Variants in EIF3CL observed in about 807,000 individuals in gnomAD.
EIF3CL encodes eukaryotic translation initiation factor 3 subunit C like, also known as eukaryotic translation initiation factor 3 subunit C-like protein.
For synonymous variants in EIF3CL, 2 were observed against 19.6 expected, an observed-to-expected ratio of 0.10 and a Z score of 2.37; for missense variants, 5 against 56.1, an observed-to-expected ratio of 0.09 and a Z score of 2.91.
the EIF3CL span, chr16:28,413,595 T>C: frequency 1.3e-5 from 1 of 74,560 alleles, no homozygotes; most frequent in Non-Finnish European, 2.4e-5. Flanking sequence ...GAAGAATCTC[T>C]CTTCATCCAG....
chr16:28,426,102 T>TACAC, the EIF3CL span, among the ~76,000 whole-genome samples: 2 of 96,496 alleles, frequency 2.1e-5, no homozygotes, highest in African/African-American at 4.4e-5. Context: ...CACACACACA[T>TACAC]ACACACACAC....
intron 15 of EIF3CL, among the ~76,000 whole-genome samples, chr16:28,386,295 C>A (rs1596595207): frequency 4.5e-5 from 2 of 44,894 alleles, no homozygotes; most frequent in African/African-American, 8.7e-5. Flanking sequence ...ATAAAGTGAA[C>A]AATCCAATTG....
the EIF3CL span, among the ~76,000 whole-genome samples, chr16:28,419,114 C>A: frequency 6.8e-6 from 1 of 146,158 alleles, no homozygotes; most frequent in Non-Finnish European, 1.5e-5. Context: ...TCACGCCATT[C>A]TCCTGCCTCA....
At chr16:28,381,404 AAAAAC>A (rs1427548905) in intron 16 of EIF3CL, among the ~76,000 whole-genome samples, 1 of 145,408 alleles carries the variant, frequency 6.9e-6, no homozygotes, top group East Asian at 2.2e-4. Flanking sequence ...CTCTGTCTCA[AAAAAC>A]AAAACAAAAC....
the EIF3CL span, among the ~76,000 whole-genome samples, chr16:28,418,984 A>G: frequency 6.8e-6 from 1 of 147,454 alleles, no homozygotes; most frequent in Non-Finnish European, 1.5e-5. Flanking sequence ...GGGATGTGAT[A>G]ATGCTTCTGG....
chr16:28,416,878 G>T, the EIF3CL span, among the ~76,000 whole-genome samples: 8 of 93,686 alleles, frequency 8.5e-5, no homozygotes, highest in African/African-American at 3.1e-4. Context: ...CGTCCGGGAG[G>T]GAGGTGGGGG....
At chr16:28,419,025 G>C in the EIF3CL span, among the ~76,000 whole-genome samples, 1 of 144,300 alleles carries the variant, frequency 6.9e-6, no homozygotes, top group African/African-American at 2.5e-5. Flanking sequence ...TTTTTTCTTT[G>C]AGACAGAGTC....
At chr16:28,426,088 C>G in the EIF3CL span, among the ~76,000 whole-genome samples, 1 of 112,922 alleles carries the variant, frequency 8.9e-6, no homozygotes, top group Non-Finnish European at 1.9e-5. Context: ...TCTCAACACA[C>G]ACACACACAC....
At chr16:28,418,638 C>CTT in the EIF3CL span, among the ~76,000 whole-genome samples, 3 of 137,514 alleles carry the variant, frequency 2.2e-5, no homozygotes, top group East Asian at 4.4e-4. Context: ...CCATTCAAGT[C>CTT]TTTTTTTTTT....
At chr16:28,417,827 T>A in the EIF3CL span, among the ~76,000 whole-genome samples, 23,627 of 101,458 alleles carry the variant, frequency 0.23, 67 homozygotes, top group Non-Finnish European at 0.28. Context: ...AAAATAAATT[T>A]AAAAAAAAAA....
the EIF3CL span, among the ~76,000 whole-genome samples, chr16:28,422,662 G>T: frequency 1.4e-3 from 199 of 146,368 alleles, no homozygotes; most frequent in African/African-American, 4.5e-3. Flanking sequence ...GTGAAACCCC[G>T]TCTTTACTAA....
the EIF3CL span, among the ~76,000 whole-genome samples, chr16:28,417,487 C>T: frequency 8.2e-6 from 1 of 122,072 alleles, no homozygotes; most frequent in Non-Finnish European, 1.8e-5. Flanking sequence ...AATTCCTCTG[C>T]CTTGGGATCC....
the EIF3CL span, chr16:28,414,679 C>T: frequency 1.2e-5 from 4 of 342,522 alleles, no homozygotes; most frequent in East Asian, 8.9e-5. Flanking sequence ...GAAGCCTCCA[C>T]GGAGCCTGTG....
At chr16:28,417,226 C>T in the EIF3CL span, among the ~76,000 whole-genome samples, 1 of 149,288 alleles carries the variant, frequency 6.7e-6, no homozygotes, top group Non-Finnish European at 1.5e-5. Context: ...CGAGCCGCCC[C>T]ATCCGGGAAG....
chr16:28,417,705 G>A, the EIF3CL span, among the ~76,000 whole-genome samples: 1 of 111,698 alleles, frequency 9.0e-6, no homozygotes, highest in African/African-American at 3.1e-5. Context: ...CCTCTGCCTA[G>A]GAAAACCAGA....
intron 15 of EIF3CL, among the ~76,000 whole-genome samples, chr16:28,387,580 G>C (rs1409110365): frequency 1.3e-5 from 2 of 150,230 alleles, no homozygotes; most frequent in African/African-American, 4.9e-5. Context: ...AATAAACTGG[G>C]TGTCCGCCAA....
the EIF3CL span, among the ~76,000 whole-genome samples, chr16:28,417,851 A>G: frequency 1.3e-5 from 1 of 79,582 alleles, no homozygotes; most frequent in Admixed American, 1.4e-4. Flanking sequence ...AAACTCAAAT[A>G]AAGTTTGCAC....
chr16:28,403,355 A>G (rs1187706186), intron 2 of EIF3CL, among the ~76,000 whole-genome samples, 163 bp downstream of exon 2: 2 of 45,636 alleles, frequency 4.4e-5, no homozygotes, highest in Non-Finnish European at 9.9e-5. Context: ...CAGCCCTCTA[A>G]GGCTGTCTCT....
the EIF3CL span, among the ~76,000 whole-genome samples, chr16:28,417,872 CAAAAAAA>C: frequency 2.7e-5 from 3 of 109,672 alleles, no homozygotes; most frequent in African/African-American, 9.8e-5. Context: ...TTTAGGAATG[CAAAAAAA>C]AAAAAAAAAA....
Sources: gnomAD v4.1 joint callset for allele counts (sites outside exome capture counted in the v4.1 genomes callset) on GRCh38, gnomAD v4.1.1 for gene constraint, MANE v1.5 for transcripts, NCBI Gene and HGNC (gene_info 2026-07-23, HGNC 2026-07-21) for gene names.